Variants in SPATS2L observed in about 807,000 individuals in gnomAD.
SPATS2L encodes the protein spermatogenesis associated serine rich 2 like, also known as SPATS2-like protein.
In SPATS2L, 30 loss-of-function variants were observed where a neutral mutation model predicts 59.6. The observed-to-expected ratio is 0.50, with a 90% CI of 0.38 to 0.68. SPATS2L has a LOEUF of 0.68. SPATS2L is among the 30% of genes least tolerant of loss of function. The pLI is 0.00. For synonymous variants in SPATS2L, 252 were observed against 263.5 expected (o/e 0.96, Z 0.42); for missense variants, 615 against 700.0 (o/e 0.88, Z 1.37).
In SPATS2L at chr2:200,345,840, A is replaced by G. The variant is rs534244551; in HGVS notation, c.-23+16360A>G. ...AGTTTTTAACTTTTTTGGAGCGCTT[A>G]TGGTGAGGGTTACATAGCTGAGAGC... On this transcript the variant is annotated intron_variant, in intron 2 of 12. Transcript: ENST00000409140. Among the ~76,000 whole-genome samples the G allele has an allele frequency of 6.6e-5, 10 of 152,296 alleles. No homozygotes were observed. In the South Asian group the frequency reaches 2.1e-3, roughly 32 times the overall value.
intron 6 of SPATS2L, among the ~76,000 whole-genome samples, chr2:200,430,914 C>T (rs2083887859): frequency 6.6e-6 from 1 of 151,952 alleles, no homozygotes; most frequent in South Asian, 2.1e-4. Context: ...GATGGAGTTT[C>T]GCCATTTTGG....
At chr2:200,322,631 A>G (rs544603863) in intron 1 of SPATS2L, among the ~76,000 whole-genome samples, 10 of 152,338 alleles carry the variant, frequency 6.6e-5, no homozygotes, top group Admixed American at 2.6e-4. Flanking sequence ...TCTGACTTAC[A>G]GTGTGTACTG....
At chr2:200,454,438 G>A (rs1336900617) in intron 8 of SPATS2L, among the ~76,000 whole-genome samples, 2 of 152,140 alleles carry the variant, frequency 1.3e-5, no homozygotes, top group Admixed American at 6.5e-5. Context: ...CCTTTCACAG[G>A]GGAGAAAATG....
chr2:200,434,994 T>C (rs757574844), intron 6 of SPATS2L, among the ~76,000 whole-genome samples: 11 of 152,106 alleles, frequency 7.2e-5, no homozygotes, highest in Admixed American at 1.3e-4. Flanking sequence ...AGTCCAGAAA[T>C]AGTCACGCAT....
At chr2:200,361,005 A>G (rs200951129) in intron 2 of SPATS2L, among the ~76,000 whole-genome samples, 32 of 112,322 alleles carry the variant, frequency 2.8e-4, no homozygotes, top group African/African-American at 6.8e-4. Flanking sequence ...GTGACTGTGT[A>G]TGTGTGTCTG....
intron 12 of SPATS2L, 60 bp downstream of exon 12, chr2:200,473,112 G>A: frequency 6.9e-7 from 1 of 1,457,160 alleles, no homozygotes; most frequent in Non-Finnish European, 9.2e-7. Flanking sequence ...GTTTCCAGAG[G>A]AAGAAAACAG....
At chr2:200,314,367 G>A (rs188141710) in intron 1 of SPATS2L, among the ~76,000 whole-genome samples, 3 of 152,158 alleles carry the variant, frequency 2.0e-5, no homozygotes, top group African/African-American at 7.2e-5. Context: ...CATTACTGCC[G>A]TGGTTCGGGC....
At chr2:200,382,345 G>A (rs1463376904) in intron 2 of SPATS2L, among the ~76,000 whole-genome samples, 1 of 152,188 alleles carries the variant, frequency 6.6e-6, no homozygotes, top group Non-Finnish European at 1.5e-5. Context: ...AAAATGCTGG[G>A]ATTATAGGAG....
intron 1 of SPATS2L, among the ~76,000 whole-genome samples, chr2:200,317,972 A>G (rs2347758): frequency 0.11 from 16,373 of 152,242 alleles, 941 homozygotes; most frequent in Non-Finnish European, 0.13. Flanking sequence ...TGTTGCTTAC[A>G]AGAGGGAAAA....
intron 1 of SPATS2L, among the ~76,000 whole-genome samples, chr2:200,328,173 G>A (rs540430911): frequency 9.9e-5 from 15 of 152,180 alleles, no homozygotes; most frequent in Admixed American, 3.3e-4. Flanking sequence ...GGTACAGATT[G>A]GGACAGACCA....
chr2:200,473,646 T>C (rs1421572409), intron 12 of SPATS2L, among the ~76,000 whole-genome samples: 1 of 152,196 alleles, frequency 6.6e-6, no homozygotes, highest in Non-Finnish European at 1.5e-5. Context: ...CTTCTCTCCT[T>C]CTGCTTCTCC....
At chr2:200,379,824 A>G (rs972538445) in intron 2 of SPATS2L, among the ~76,000 whole-genome samples, 2 of 152,094 alleles carry the variant, frequency 1.3e-5, no homozygotes, top group African/African-American at 2.4e-5. Flanking sequence ...CTTTCCTGAG[A>G]TGTCTCTGAG....
chr2:200,306,030 G>A, upstream of SPATS2L: 1 of 985,272 alleles, frequency 1.0e-6, no homozygotes, highest in Non-Finnish European at 1.2e-6. Flanking sequence ...GTGTAACTTG[G>A]TTATTACACA....
intron 8 of SPATS2L, among the ~76,000 whole-genome samples, chr2:200,441,392 G>T (rs2084688326): frequency 6.6e-6 from 1 of 152,180 alleles, no homozygotes; most frequent in Non-Finnish European, 1.5e-5. Flanking sequence ...GTTATTAACA[G>T]TAGAAAAATG....
rs867920845 is a variant in SPATS2L, at chr2:200,482,161, T to C, written c.*4130T>C. On this transcript the variant is annotated 3_prime_UTR_variant, in exon 13 of 13. Transcript: ENST00000409140. The stretch of plus-strand genomic sequence containing the variant: ...AGTTGCAAAGTCCCAGTGATTCTCT[T>C]GTTACTTAGCTAAGAATTTGAAATG... The C allele has an allele frequency of 2.7e-5, 4 of 145,928 alleles. No individual in the cohort carries two copies. Among genetic ancestry groups the C allele is most frequent in the Middle Eastern group, 3.4e-3 (1 of 294 alleles). 9.0% of individuals were successfully genotyped at this position (145,928 alleles called of 1,614,324 possible). A position where few individuals can be genotyped will look rare whatever the true frequency, so the allele number is the denominator to read the frequency against.
chr2:200,442,707 T>C (rs550014689), intron 8 of SPATS2L, among the ~76,000 whole-genome samples: 2 of 152,226 alleles, frequency 1.3e-5, no homozygotes, highest in Non-Finnish European at 2.9e-5. Flanking sequence ...CTTATTTTAT[T>C]TTATTTCTTA....
intron 1 of SPATS2L, among the ~76,000 whole-genome samples, chr2:200,317,524 C>G (rs1328771029): frequency 1.3e-5 from 2 of 152,120 alleles, no homozygotes; most frequent in Non-Finnish European, 2.9e-5. Flanking sequence ...TGAGACTGAT[C>G]AGGAAGAGGA....
At chr2:200,442,113 T>C (rs1013093295) in intron 8 of SPATS2L, among the ~76,000 whole-genome samples, 6 of 152,134 alleles carry the variant, frequency 3.9e-5, no homozygotes, top group Non-Finnish European at 7.4e-5. Flanking sequence ...AGTCATGGCA[T>C]CTGGATGTCA....
intron 2 of SPATS2L, among the ~76,000 whole-genome samples, chr2:200,356,897 A>G (rs1325721556): frequency 1.3e-5 from 2 of 152,126 alleles, no homozygotes; most frequent in Non-Finnish European, 2.9e-5. Context: ...TTTTACAACA[A>G]AGCCACTCTC....
Sources: allele counts gnomAD v4.1 joint callset (sites outside exome capture counted in the v4.1 genomes callset), GRCh38; gene constraint gnomAD v4.1.1; transcripts MANE v1.5; gene names NCBI Gene and HGNC (gene_info 2026-07-23, HGNC 2026-07-21).